ALG13: variants seen among roughly 807,000 people sequenced by gnomAD.
The protein encoded by ALG13 is ALG13 UDP-N-acetylglucosaminyltransferase subunit.
A neutral mutation model predicts 87.8 loss-of-function variants in ALG13; 11 were observed. The ratio of observed to expected loss-of-function variants is 0.13; its 90% confidence interval spans 0.08 to 0.21. The LOEUF is 0.21. Among genes scored for constraint, ALG13 ranks in the 10% least tolerant of loss-of-function variants. ALG13 has a pLI of 1.00. For synonymous variants in ALG13, 320 were observed against 306.3 expected (o/e 1.04, Z -0.47); for missense variants, 756 against 866.1 (o/e 0.87, Z 1.60).
chrX:111,735,303 A>G (rs369486470), intron 22 of ALG13, among the ~76,000 whole-genome samples, 181 bp downstream of exon 22: 28 of 112,290 alleles, frequency 2.5e-4, no homozygotes, highest in East Asian at 2.0e-3. Flanking sequence ...TTGAGCATCT[A>G]CTGTGTTCCA....
chrX:111,745,850 T>G (rs1319259432), intron 24 of ALG13, among the ~76,000 whole-genome samples: 4 of 111,416 alleles, frequency 3.6e-5, no homozygotes, highest in African/African-American at 1.3e-4. Context: ...ATCTAAACCC[T>G]GATTTCTTTA....
At chrX:111,735,946 GA>G (rs377589539) in intron 22 of ALG13, among the ~76,000 whole-genome samples, 73 of 102,442 alleles carry the variant, frequency 7.1e-4, no homozygotes, top group African/African-American at 1.9e-3. Flanking sequence ...GGCCTAAGCA[GA>G]AAAAAAAAAA....
chrX:111,714,980 T>G (rs1303178207), intron 8 of ALG13, among the ~76,000 whole-genome samples: 2 of 112,003 alleles, frequency 1.8e-5, no homozygotes, highest in African/African-American at 6.5e-5. Context: ...CAGTTCAGTT[T>G]TTCCTCAACA....
At chrX:111,745,203 T>C (rs1944129059) in intron 24 of ALG13, among the ~76,000 whole-genome samples, 1 of 111,815 alleles carries the variant, frequency 8.9e-6, no homozygotes, top group Non-Finnish European at 1.9e-5. Flanking sequence ...TCTTTGCTTT[T>C]CTTAACTGTT....
At chrX:111,732,246 G>A (rs910356298) in intron 21 of ALG13, among the ~76,000 whole-genome samples, 25 of 111,781 alleles carry the variant, frequency 2.2e-4, no homozygotes, top group African/African-American at 8.1e-4. Context: ...TACCCTAAGA[G>A]CTACATGTTC....
At chrX:111,688,433 A>T in intron 3 of ALG13, 1 of 748,515 alleles carries the variant, frequency 1.3e-6, no homozygotes, top group South Asian at 6.8e-5. Flanking sequence ...AACCAAATTT[A>T]AAAAATGATG....
At chrX:111,685,366 C>T (rs753174185) in intron 3 of ALG13, 21 of 226,738 alleles carry the variant, frequency 9.3e-5, no homozygotes, top group East Asian at 2.5e-4. Context: ...TTTATTTAGG[C>T]GTGCATGTCT....
At chrX:111,753,734 A>G (rs148116727) in intron 25 of ALG13, among the ~76,000 whole-genome samples, 25 of 111,998 alleles carry the variant, frequency 2.2e-4, no homozygotes, top group African/African-American at 7.8e-4. Flanking sequence ...GAAGAAGTCG[A>G]ATTCCTGAGT....
chrX:111,740,270 G>A (rs1943628303), intron 23 of ALG13, among the ~76,000 whole-genome samples: 1 of 111,216 alleles, frequency 9.0e-6, no homozygotes, highest in African/African-American at 3.3e-5. Flanking sequence ...GTGGGCTAAA[G>A]CAAATGAGTA....
At chrX:111,698,138 T>G (rs1489231983) in intron 3 of ALG13, among the ~76,000 whole-genome samples, 1 of 112,471 alleles carries the variant, frequency 8.9e-6, no homozygotes, top group Non-Finnish European at 1.9e-5. Context: ...TTACTTTATG[T>G]TTTATAAATA....
At chrX:111,695,175 CCTT>C (rs1379127288) in intron 3 of ALG13, among the ~76,000 whole-genome samples, 6 of 111,467 alleles carry the variant, frequency 5.4e-5, no homozygotes, top group African/African-American at 6.5e-5. Flanking sequence ...TTTTTTCCCT[CCTT>C]CTGCTAATCC....
intron 3 of ALG13, among the ~76,000 whole-genome samples, chrX:111,693,371 G>A (rs1936481880): frequency 9.3e-6 from 1 of 107,318 alleles, no homozygotes; most frequent in Admixed American, 1.0e-4. Flanking sequence ...TCACCCTCCT[G>A]AGTAGCTGGG....
chrX:111,722,384 A>G (rs1184832849), intron 12 of ALG13, among the ~76,000 whole-genome samples: 1 of 112,020 alleles, frequency 8.9e-6, no homozygotes, highest in Non-Finnish European at 1.9e-5. Flanking sequence ...AGTATTTCAC[A>G]TTCAACTCCT....
intron 21 of ALG13, among the ~76,000 whole-genome samples, chrX:111,733,741 G>A (rs1273391249): frequency 1.8e-5 from 2 of 111,137 alleles, no homozygotes; most frequent in Non-Finnish European, 3.8e-5. Flanking sequence ...GGAAAACAGT[G>A]TACACAGTTG....
intron 25 of ALG13, among the ~76,000 whole-genome samples, chrX:111,754,810 A>G (rs1323372391): frequency 3.6e-5 from 4 of 112,399 alleles, no homozygotes; most frequent in African/African-American, 1.3e-4. Flanking sequence ...GCTTATGGAT[A>G]GGAAAAATCA....
chrX:111,700,300 G>A (rs1937607867), intron 3 of ALG13, among the ~76,000 whole-genome samples: 1 of 110,375 alleles, frequency 9.1e-6, no homozygotes. Context: ...TTTTCTATAT[G>A]TAAGAGCATG....
chrX:111,691,798 A>G (rs1258377678), intron 3 of ALG13, among the ~76,000 whole-genome samples: 1 of 112,621 alleles, frequency 8.9e-6, no homozygotes, highest in African/African-American at 3.2e-5. Context: ...TTAAAAAACC[A>G]CAGTGATGGC....
chrX:111,715,124 T>G (rs769693887), intron 8 of ALG13, among the ~76,000 whole-genome samples: 1 of 111,829 alleles, frequency 8.9e-6, no homozygotes, highest in African/African-American at 3.2e-5. Flanking sequence ...GAGAGATTAT[T>G]TAGCTAATTT....
chrX:111,687,838 T>C, intron 3 of ALG13: 3 of 1,095,014 alleles, frequency 2.7e-6, no homozygotes, highest in Non-Finnish European at 3.6e-6. Flanking sequence ...GCAGATGAAG[T>C]ATGGAATTTT....
Sources: allele counts gnomAD v4.1 joint callset (sites outside exome capture counted in the v4.1 genomes callset), GRCh38; gene constraint gnomAD v4.1.1; transcripts MANE v1.5; gene names NCBI Gene and HGNC (gene_info 2026-07-23, HGNC 2026-07-21).